The following ABLIM1 variants were observed in gnomAD, a reference collection of about 807,000 sequenced individuals.
The protein encoded by ABLIM1 is actin-binding LIM protein 1.
A neutral mutation model predicts 107.0 loss-of-function variants in ABLIM1; 40 were observed. The observed-to-expected ratio is 0.37, with a 90% CI of 0.29 to 0.49. ABLIM1 has a LOEUF of 0.49. Among genes scored for constraint, ABLIM1 ranks in the 20% least tolerant of loss-of-function variants. The probability of loss-of-function intolerance (pLI) is 0.97; values close to 1 mark genes in which losing one functional copy is unlikely to be tolerated. For synonymous variants in ABLIM1, 357 were observed against 357.3 expected (o/e 1.00, Z 0.01); for missense variants, 857 against 1,008.5 (o/e 0.85, Z 2.04).
rs188499610 is a variant in ABLIM1, at chr10:114,527,928, C to T, written c.894+17077G>A. Among the ~76,000 whole-genome samples, 698 of 151,686 alleles carry T rather than the reference C, an allele frequency of 4.6e-3. 9 individuals carry two copies. The highest frequency in any genetic ancestry group is 0.016 in the African/African-American group (670 of 41,296). On this transcript the variant is annotated intron_variant, in intron 6 of 22. Transcript: ENST00000533213. Reference sequence around the variant, plus strand: ...TCTTGGCTCACTGTAACCTCCGCCTCCCAGTTTCAAGCAATTCTCCTGCCT... The same window carrying T: ...TCTTGGCTCACTGTAACCTCCGCCTTCCAGTTTCAAGCAATTCTCCTGCCT...
intron 21 of ABLIM1, 55 bp from the exon 22 acceptor site, chr10:114,437,979 G>T (rs2059665131): frequency 2.0e-6 from 3 of 1,525,804 alleles, no homozygotes; most frequent in Non-Finnish European, 2.7e-6. Context: ...TTATTAACAA[G>T]CAGAATCCAC....
At chr10:114,596,802 A>G (rs2075457718) in intron 2 of ABLIM1, among the ~76,000 whole-genome samples, 1 of 152,132 alleles carries the variant, frequency 6.6e-6, no homozygotes, top group Admixed American at 6.6e-5. Flanking sequence ...ACCTATTTTT[A>G]GCAAAAAGAG....
intron 1 of ABLIM1, among the ~76,000 whole-genome samples, chr10:114,755,711 C>T (rs1052551476): frequency 6.6e-6 from 1 of 152,196 alleles, no homozygotes; most frequent in African/African-American, 2.4e-5. Context: ...GCACTTTAGT[C>T]GTATCCCACA....
the ABLIM1 span, among the ~76,000 whole-genome samples, chr10:114,785,653 A>G: frequency 6.6e-6 from 1 of 152,198 alleles, no homozygotes; most frequent in African/African-American, 2.4e-5. Context: ...TTTTTGGATT[A>G]TAATTTTATA....
In ABLIM1 at chr10:114,707,975, C is replaced by T. The variant is rs1169314473; in HGVS notation, c.-213+60086G>A. 2.6e-5 allele frequency among the ~76,000 whole-genome samples: 4 copies of T among 152,122 alleles called. No individual in the cohort carries two copies. Among genetic ancestry groups the T allele is most frequent in the African/African-American group, 9.7e-5 (4 of 41,420 alleles). ...CAACAGTTTTCAATTTTGTACTAAG[C>T]CTTTATGCTAACCGCTGTTTTTCAA... On this transcript the variant is annotated intron_variant, in intron 1 of 15. Transcript: ENST00000651092. This position sits in a 1 kb window ranked among gnomAD's most constrained non-coding sequence, Gnocchi z 4.1.
At chr10:114,568,973 T>C (rs1274450001) in intron 4 of ABLIM1, among the ~76,000 whole-genome samples, 1 of 152,194 alleles carries the variant, frequency 6.6e-6, no homozygotes, top group African/African-American at 2.4e-5. Flanking sequence ...GGAAACATGT[T>C]CCCAAATTAC....
intron 4 of ABLIM1, among the ~76,000 whole-genome samples, chr10:114,553,503 C>T (rs1395289813): frequency 6.6e-6 from 1 of 152,214 alleles, no homozygotes; most frequent in Non-Finnish European, 1.5e-5. Context: ...CTATGGCCTA[C>T]CCAACTCTGG....
Position 114,619,018 on chromosome 10 carries a change from C to T in ABLIM1, c.245-17057G>A, listed in dbSNP as rs1008027647. On this transcript the variant is annotated intron_variant, in intron 1 of 22. Coordinates refer to ENST00000533213, the MANE Select transcript of ABLIM1 (RefSeq NM_002313.7). This position sits in a 1 kb window ranked among gnomAD's most constrained non-coding sequence, Gnocchi z 4.1. ...AATCCTGTTGTATATTGCAAGGGTGCTTTCAAGTCAAGATAGGGGTGATGA... is the reference window on the plus strand; with the variant it reads ...AATCCTGTTGTATATTGCAAGGGTGTTTTCAAGTCAAGATAGGGGTGATGA... 3.9e-5 allele frequency among the ~76,000 whole-genome samples: 6 copies of T among 152,020 alleles called. No individual in the cohort carries two copies. Among genetic ancestry groups the T allele is most frequent in the African/African-American group, 1.2e-4 (5 of 41,394 alleles).
intron 7 of ABLIM1, among the ~76,000 whole-genome samples, chr10:114,491,006 G>GTATATATATA (rs759409911): frequency 7.8e-4 from 46 of 59,232 alleles, no homozygotes; most frequent in African/African-American, 4.2e-3. Context: ...GTGTGTGTGT[G>GTATATATATA]TGTGTGTATA....
At chr10:114,598,295 A>AAG (rs71007479) in intron 2 of ABLIM1, among the ~76,000 whole-genome samples, 61 of 149,702 alleles carry the variant, frequency 4.1e-4, no homozygotes, top group African/African-American at 1.4e-3. Context: ...AAAAAAAAAA[A>AAG]GGAAATGTGC....
intron 2 of ABLIM1, among the ~76,000 whole-genome samples, chr10:114,581,698 A>T (rs1055982990): frequency 6.6e-6 from 1 of 151,258 alleles, no homozygotes; most frequent in East Asian, 1.9e-4. Context: ...TTCTAGGAAA[A>T]CCCATCTAGC....
chr10:114,723,062 T>C (rs2081884792), intron 1 of ABLIM1, among the ~76,000 whole-genome samples: 1 of 152,212 alleles, frequency 6.6e-6, no homozygotes, highest in Non-Finnish European at 1.5e-5. Context: ...CTCCAGCACC[T>C]AGCTCAGTGC....
Position 114,571,180 on chromosome 10 carries a change from A to G in ABLIM1, c.673+117T>C, listed in dbSNP as rs907830438. ...GTCATCTTTGGAGAAATATCTATTC[A>G]AGTAGATAGATGACTCTCATTTCCA... On this transcript the variant is annotated intron_variant, in intron 4 of 22. Transcript: ENST00000533213. 3 of 815,196 alleles carry G rather than the reference A, an allele frequency of 3.7e-6. No homozygotes were observed. The African/African-American group carries it at 5.0e-5, about 14-fold the overall frequency. The allele number at this position is 815,196 out of a possible 1,614,324, so 50.5% of individuals were successfully genotyped here.
At chr10:114,684,703 A>G (rs2080888042) in exon 1 of ABLIM1, 1 of 1,062,104 alleles carries the variant, frequency 9.4e-7, no homozygotes, top group Non-Finnish European at 1.1e-6. Flanking sequence ...CTATTAGAAC[A>G]CGCCAAGAAT....
intron 1 of ABLIM1, chr10:114,632,724 G>C (rs1043521177): frequency 2.1e-5 from 21 of 985,234 alleles, no homozygotes; most frequent in Non-Finnish European, 2.3e-5. Flanking sequence ...ATGTAGGGGG[G>C]ATTTTGACTT....
intron 1 of ABLIM1, among the ~76,000 whole-genome samples, chr10:114,747,540 T>C (rs1264854346): frequency 6.6e-6 from 1 of 152,200 alleles, no homozygotes; most frequent in Non-Finnish European, 1.5e-5. Flanking sequence ...TTGTAGAAGC[T>C]TTTTTATGTA....
chr10:114,781,580 GTGTGTGAATA>G, the ABLIM1 span, among the ~76,000 whole-genome samples: 1 of 150,890 alleles, frequency 6.6e-6, no homozygotes, highest in Admixed American at 6.6e-5. Context: ...ATGTATATGT[GTGTGTGAATA>G]TGTGTGTATA....
intron 6 of ABLIM1, among the ~76,000 whole-genome samples, chr10:114,507,316 T>C (rs912490795): frequency 6.6e-5 from 10 of 151,928 alleles, no homozygotes; most frequent in Non-Finnish European, 1.3e-4. Context: ...GTTCCAATCA[T>C]GAAAAGGAAG....
intron 15 of ABLIM1, among the ~76,000 whole-genome samples, chr10:114,446,054 G>T (rs976221337): frequency 2.6e-5 from 4 of 152,222 alleles, no homozygotes; most frequent in Admixed American, 2.6e-4. Flanking sequence ...TTACAGGCGT[G>T]AGCCACCACG....
Sources: allele counts gnomAD v4.1 joint callset (sites outside exome capture counted in the v4.1 genomes callset), GRCh38; gene constraint gnomAD v4.1.1; non-coding constraint Gnocchi (gnomAD v3.1); transcripts MANE v1.5; gene names NCBI Gene and HGNC (gene_info 2026-07-23, HGNC 2026-07-21).